The following ZNF654 variants were observed in gnomAD, a reference collection of about 807,000 sequenced individuals.
The protein encoded by ZNF654 is zinc finger protein 654.
ZNF654 carries 19 observed loss-of-function variants against 95.3 expected under a neutral mutation model. The ratio of observed to expected loss-of-function variants is 0.20; its 90% confidence interval spans 0.14 to 0.29. The LOEUF (loss-of-function observed/expected upper bound fraction) is 0.29, where lower values mean the gene tolerates loss of function less well. ZNF654 is among the 10% of genes least tolerant of loss of function. The pLI is 1.00. For synonymous variants in ZNF654, 413 were observed against 457.9 expected (o/e 0.90, Z 1.25); for missense variants, 1,046 against 1,341.0 (o/e 0.78, Z 3.44).
intron 2 of ZNF654, among the ~76,000 whole-genome samples, chr3:88,096,646 T>A (rs991505807): frequency 2.0e-5 from 3 of 152,308 alleles, no homozygotes; most frequent in African/African-American, 7.2e-5. Context: ...ATCTGCTTTT[T>A]ATCTGGTTCC....
intron 2 of ZNF654, among the ~76,000 whole-genome samples, chr3:88,088,520 A>G (rs1325638907): frequency 6.6e-6 from 1 of 152,168 alleles, no homozygotes; most frequent in African/African-American, 2.4e-5. Context: ...TTAAGAAAAT[A>G]TGATGGTTAA....
At chr3:88,075,808 G>T (rs777994348) in intron 1 of ZNF654, among the ~76,000 whole-genome samples, 1 of 151,222 alleles carries the variant, frequency 6.6e-6, no homozygotes, top group Admixed American at 6.6e-5. Flanking sequence ...AGTGTCTTCC[G>T]TAATGTTAGA....
intron 1 of ZNF654, among the ~76,000 whole-genome samples, chr3:88,083,719 A>G (rs1708196160): frequency 6.6e-6 from 1 of 152,294 alleles, no homozygotes; most frequent in Non-Finnish European, 1.5e-5. Context: ...TTTAAGATCC[A>G]GGAAAACACT....
At position 88,135,217 on chromosome 3, in the gene ZNF654, T is replaced by C; in HGVS notation, c.1035+15T>C. ...TCAAAGATGAGGTAAATAGGATATA[T>C]TTGTCCCTTAAATTTAAAATTGAGT... On this transcript the variant is annotated intron_variant, in intron 7 of 8. Transcript: ENST00000636215. The C allele has an allele frequency of 1.4e-6, 2 of 1,434,068 alleles. No homozygotes were observed. The highest frequency in any genetic ancestry group is 1.8e-6 in the Non-Finnish European group (2 of 1,100,838). The allele number at this position is 1,434,068 out of a possible 1,614,324, so 88.8% of individuals were successfully genotyped here.
intron 3 of ZNF654, among the ~76,000 whole-genome samples, chr3:88,124,221 C>T (rs181906538): frequency 3.9e-5 from 6 of 152,162 alleles, no homozygotes; most frequent in Non-Finnish European, 8.8e-5. Flanking sequence ...ATTATTACTT[C>T]ATCCTCACAA....
intron 6 of ZNF654, among the ~76,000 whole-genome samples, chr3:88,132,162 A>G (rs1706503980): frequency 6.6e-6 from 1 of 152,184 alleles, no homozygotes; most frequent in South Asian, 2.1e-4. Flanking sequence ...GTAAGTAGTG[A>G]AGCCAGGATT....
intron 4 of ZNF654, among the ~76,000 whole-genome samples, chr3:88,126,939 A>G (rs1706141809): frequency 6.6e-6 from 1 of 152,166 alleles, no homozygotes; most frequent in African/African-American, 2.4e-5. Context: ...ATCTGATTTA[A>G]CAGCGGTCCT....
At chr3:88,091,726 A>G (rs1708640550) in intron 2 of ZNF654, among the ~76,000 whole-genome samples, 1 of 152,154 alleles carries the variant, frequency 6.6e-6, no homozygotes, top group South Asian at 2.1e-4. Context: ...GATAGTGAAT[A>G]AGTCTCATGA....
At chr3:88,136,283 A>C (rs1196004690) in intron 7 of ZNF654, among the ~76,000 whole-genome samples, 3 of 152,232 alleles carry the variant, frequency 2.0e-5, no homozygotes, top group African/African-American at 7.2e-5. Context: ...GCCAGTCATC[A>C]CAGAGCTTTC....
At chr3:88,096,750 A>C (rs1161140681) in intron 2 of ZNF654, among the ~76,000 whole-genome samples, 1 of 152,076 alleles carries the variant, frequency 6.6e-6, no homozygotes, top group Non-Finnish European at 1.5e-5. Flanking sequence ...CATGGTTCAA[A>C]ATTCGAAAAG....
Position 88,139,513 on chromosome 3 carries a change from C to T in ZNF654, c.1844C>T (p.Ala615Val). ...CAACAGGATGATCAGGAAGTCACTG[C>T]TTTGGAAGAAATAAATTGTTCTAGT... is the stretch of plus-strand genomic sequence containing the variant. ...AAQQDDQEVT[A>V]LEEINCSSSS... Residue 615 changes from alanine to valine, a missense_variant, in exon 8 of 9, where the codon GCT becomes GTT. Transcript: ENST00000636215. 1.9e-6 allele frequency: 3 copies of T among 1,613,436 alleles called. No homozygotes were observed. The highest frequency in any genetic ancestry group is 2.5e-6 in the Non-Finnish European group (3 of 1,179,690).
At chr3:88,102,296 T>C (rs1359623524) in intron 2 of ZNF654, among the ~76,000 whole-genome samples, 2 of 152,202 alleles carry the variant, frequency 1.3e-5, no homozygotes, top group African/African-American at 4.8e-5. Flanking sequence ...TCAGGGATGC[T>C]ACCTGAAGGG....
chr3:88,138,257 C>T (rs1706918724), intron 7 of ZNF654, among the ~76,000 whole-genome samples: 2 of 152,018 alleles, frequency 1.3e-5, no homozygotes, highest in Non-Finnish European at 2.9e-5. Flanking sequence ...TAAAAGTTCC[C>T]ATAAGCAGTT....
At chr3:88,065,619 AT>A (rs532198365) in intron 1 of ZNF654, among the ~76,000 whole-genome samples, 1,692 of 149,962 alleles carry the variant, frequency 0.011, 24 homozygotes, top group African/African-American at 0.039. Flanking sequence ...TATTTTTTAC[AT>A]TTTTTTTTTA....
At chr3:88,092,220 T>C (rs1206127779) in intron 2 of ZNF654, among the ~76,000 whole-genome samples, 1 of 152,204 alleles carries the variant, frequency 6.6e-6, no homozygotes, top group African/African-American at 2.4e-5. Context: ...TTTATTTAAA[T>C]ATTTAATCAA....
chr3:88,144,236 G>T lies in ZNF654; in HGVS notation c.*2584G>T, dbSNP rs1223956573. On this transcript the variant is annotated 3_prime_UTR_variant, in exon 9 of 9. Coordinates refer to ENST00000636215, the MANE Select transcript of ZNF654 (RefSeq NM_001350134.2). ...GGGCTTTAGCCATATTCATTTTTTT[G>T]AAACCACCAATTATATAATACTTAA... is the stretch of plus-strand genomic sequence containing the variant. The T allele has an allele frequency of 6.6e-6, 1 of 152,200 alleles. No homozygotes were observed. Among genetic ancestry groups the T allele is most frequent in the Non-Finnish European group, 1.5e-5 (1 of 67,786 alleles). 9.4% of individuals were successfully genotyped at this position (152,200 alleles called of 1,614,324 possible). A position where few individuals can be genotyped will look rare whatever the true frequency, so the allele number is the denominator to read the frequency against.
intron 3 of ZNF654, among the ~76,000 whole-genome samples, chr3:88,119,425 G>A (rs1576317887): frequency 7.1e-6 from 1 of 140,896 alleles, no homozygotes; most frequent in East Asian, 2.2e-4. Context: ...ATAGCATTGG[G>A]AGATATACCT....
At chr3:88,116,012 GATAAT>G (rs1705366711) in intron 3 of ZNF654, among the ~76,000 whole-genome samples, 1 of 152,154 alleles carries the variant, frequency 6.6e-6, no homozygotes, top group Admixed American at 6.5e-5. Context: ...GAGAGGAAAA[GATAAT>G]ATAGAGAGAA....
intron 4 of ZNF654, among the ~76,000 whole-genome samples, chr3:88,128,131 T>C (rs1287246352): frequency 6.6e-6 from 1 of 152,178 alleles, no homozygotes; most frequent in East Asian, 1.9e-4. Flanking sequence ...TCTATAAAGC[T>C]AGTATCATAA....
Sources: allele counts gnomAD v4.1 joint callset (sites outside exome capture counted in the v4.1 genomes callset), GRCh38; gene constraint gnomAD v4.1.1; transcripts MANE v1.5; gene names NCBI Gene and HGNC (gene_info 2026-07-23, HGNC 2026-07-21).